The following ATP8A2 variants were observed in gnomAD, a reference collection of about 807,000 sequenced individuals.
The protein encoded by ATP8A2 is ATPase phospholipid transporting 8A2.
In ATP8A2, 100 loss-of-function variants were observed where a neutral mutation model predicts 165.6. That is an observed-to-expected ratio of 0.60 (90% CI 0.51 to 0.71). The LOEUF (loss-of-function observed/expected upper bound fraction) is 0.71, where lower values mean the gene tolerates loss of function less well. ATP8A2 is among the 30% of genes least tolerant of loss of function. ATP8A2 has a pLI of 0.00. For missense variants in ATP8A2, 1,227 were observed against 1,479.5 expected (o/e 0.83, Z 2.80); for synonymous variants, 543 against 548.8 (o/e 0.99, Z 0.15).
intron 25 of ATP8A2, among the ~76,000 whole-genome samples, chr13:25,768,413 G>A (rs1041940937): frequency 9.2e-5 from 14 of 152,116 alleles, no homozygotes; most frequent in African/African-American, 2.2e-4. Context: ...TTAGGGCTGT[G>A]CTTCTGCATG....
intron 33 of ATP8A2, among the ~76,000 whole-genome samples, chr13:25,886,843 T>A (rs896946125): frequency 6.6e-6 from 1 of 152,190 alleles, no homozygotes; most frequent in Non-Finnish European, 1.5e-5. Flanking sequence ...AAGCCCTTAG[T>A]ACTACATAGG....
chr13:25,529,958 A>T, intron 2 of ATP8A2, 41 bp from the exon 3 acceptor site: 1 of 1,132,142 alleles, frequency 8.8e-7, no homozygotes, highest in African/African-American at 1.5e-5. Context: ...TTTAGAGTTT[A>T]CATCTATAAC....
chr13:25,402,978 G>T (rs2033685199), intron 1 of ATP8A2, among the ~76,000 whole-genome samples: 1 of 152,150 alleles, frequency 6.6e-6, no homozygotes, highest in Non-Finnish European at 1.5e-5. Context: ...GCAAGAGATA[G>T]AAAGGAAAAT....
intron 1 of ATP8A2, among the ~76,000 whole-genome samples, chr13:25,438,819 T>A (rs2034850822): frequency 6.6e-6 from 1 of 152,184 alleles, no homozygotes; most frequent in South Asian, 2.1e-4. Context: ...GACCTTTTTA[T>A]GGAAGAATTT....
intron 35 of ATP8A2, among the ~76,000 whole-genome samples, chr13:25,978,209 A>G (rs1956101322): frequency 6.6e-6 from 1 of 152,208 alleles, no homozygotes; most frequent in Non-Finnish European, 1.5e-5. Flanking sequence ...GCCAAAAAAA[A>G]ATTGCCATTG....
At chr13:25,602,386 G>A (rs535283273) in intron 24 of ATP8A2, among the ~76,000 whole-genome samples, 8 of 152,142 alleles carry the variant, frequency 5.3e-5, no homozygotes, top group African/African-American at 1.4e-4. Flanking sequence ...CTTTGGAGCC[G>A]ACTTGCTGGG....
At chr13:25,570,619 G>A in intron 16 of ATP8A2, 148 bp from the exon 17 acceptor site, 1 of 565,028 alleles carries the variant, frequency 1.8e-6, no homozygotes, top group Non-Finnish European at 3.2e-6. Context: ...AGCGGTAGGA[G>A]GGGGATCTGA....
chr13:25,995,253 ATTG>A (rs1310370257), intron 35 of ATP8A2, among the ~76,000 whole-genome samples: 2 of 145,376 alleles, frequency 1.4e-5, no homozygotes, highest in Non-Finnish European at 3.1e-5. Flanking sequence ...TGTTAATTTT[ATTG>A]TTCTTTTCAA....
At chr13:25,557,751 C>T (rs1401234878) in intron 13 of ATP8A2, among the ~76,000 whole-genome samples, 1 of 152,036 alleles carries the variant, frequency 6.6e-6, no homozygotes, top group East Asian at 1.9e-4. Context: ...TCAAGAAGTA[C>T]CCATGGATGC....
At chr13:25,374,739 T>C (rs2032556472) in intron 1 of ATP8A2, among the ~76,000 whole-genome samples, 1 of 152,054 alleles carries the variant, frequency 6.6e-6, no homozygotes, top group South Asian at 2.1e-4. Context: ...ATTTGCATAA[T>C]GTATGGAGAA....
intron 1 of ATP8A2, among the ~76,000 whole-genome samples, chr13:25,440,929 A>G (rs2034915227): frequency 6.6e-6 from 1 of 152,214 alleles, no homozygotes; most frequent in Non-Finnish European, 1.5e-5. Context: ...ATTTAGATGA[A>G]TACTTAAAAG....
rs1034625669 is a variant in ATP8A2, at chr13:25,903,971, T to TA, written c.3183+41572dup. On this transcript the variant is annotated intron_variant, in intron 33 of 36. Transcript: ENST00000381655. ...GAATGTGAATCTTCTGGGGAGCATT[T>TA]AAAAAAAAACTGTTGTACAAACTCT... is the stretch of plus-strand genomic sequence containing the variant. Among the ~76,000 whole-genome samples, 12 of 151,702 alleles carry TA rather than the reference T, an allele frequency of 7.9e-5. No individual in the cohort carries two copies. The East Asian group carries it at 1.4e-3, about 17-fold the overall frequency.
chr13:25,650,990 C>T (rs1322533296), intron 24 of ATP8A2, among the ~76,000 whole-genome samples: 2 of 152,160 alleles, frequency 1.3e-5, no homozygotes, highest in Non-Finnish European at 2.9e-5. Context: ...ACCACAGTTA[C>T]ATTATCCATA....
intron 25 of ATP8A2, among the ~76,000 whole-genome samples, chr13:25,713,536 G>A (rs1409570922): frequency 6.6e-6 from 1 of 152,132 alleles, no homozygotes; most frequent in Non-Finnish European, 1.5e-5. Flanking sequence ...GAGATTCTCA[G>A]TCAGGAGTCT....
chr13:26,012,071 C>G (rs1181468176), intron 35 of ATP8A2, among the ~76,000 whole-genome samples: 2 of 26,712 alleles, frequency 7.5e-5, no homozygotes, highest in Non-Finnish European at 1.6e-4. Context: ...GAAGAAAACT[C>G]GCCTTGATGT....
intron 6 of ATP8A2, among the ~76,000 whole-genome samples, chr13:25,537,726 G>A (rs968704252): frequency 3.9e-5 from 6 of 152,138 alleles, no homozygotes; most frequent in Non-Finnish European, 7.3e-5. Flanking sequence ...GATCTTTATA[G>A]CTGTTCTGAC....
At chr13:25,602,873 C>T (rs1338805299) in intron 24 of ATP8A2, among the ~76,000 whole-genome samples, 1 of 151,862 alleles carries the variant, frequency 6.6e-6, no homozygotes, top group Non-Finnish European at 1.5e-5. Context: ...AGTTCAAGAC[C>T]AGCCTGGCCA....
chr13:25,812,896 G>A (rs1340265296), intron 27 of ATP8A2, among the ~76,000 whole-genome samples: 31 of 152,116 alleles, frequency 2.0e-4, no homozygotes, highest in Admixed American at 2.0e-3. Flanking sequence ...ATACTGTGCA[G>A]CCATAGAAAG....
At chr13:25,515,158 C>G (rs1489148051) in intron 2 of ATP8A2, among the ~76,000 whole-genome samples, 1 of 152,222 alleles carries the variant, frequency 6.6e-6, no homozygotes, top group Non-Finnish European at 1.5e-5. Context: ...CTTTTCCCGC[C>G]TTCAGAGCTA....
Sources: allele counts gnomAD v4.1 joint callset (sites outside exome capture counted in the v4.1 genomes callset), GRCh38; gene constraint gnomAD v4.1.1; transcripts MANE v1.5; gene names NCBI Gene and HGNC (gene_info 2026-07-23, HGNC 2026-07-21).